The following TRIP4 variants were observed in gnomAD, a reference collection of about 807,000 sequenced individuals.
TRIP4 encodes the protein thyroid hormone receptor interactor 4.
A neutral mutation model predicts 81.8 loss-of-function variants in TRIP4; 54 were observed. That is an observed-to-expected ratio of 0.66 (90% CI 0.53 to 0.83). The LOEUF (loss-of-function observed/expected upper bound fraction) is 0.83, where lower values mean the gene tolerates loss of function less well. Among genes scored for constraint, TRIP4 ranks in the 40% least tolerant of loss-of-function variants. The pLI is 0.00. For synonymous variants in TRIP4, 270 were observed against 242.8 expected, an observed-to-expected ratio of 1.11 and a Z score of -1.04; for missense variants, 662 against 683.6, an observed-to-expected ratio of 0.97 and a Z score of 0.35.
At chr15:64,404,065 C>T (rs973362940) in intron 5 of TRIP4, among the ~76,000 whole-genome samples, 3 of 152,034 alleles carry the variant, frequency 2.0e-5, no homozygotes, top group Non-Finnish European at 4.4e-5. Context: ...GTGGCACATG[C>T]CTGTAATCCC....
intron 11 of TRIP4, among the ~76,000 whole-genome samples, chr15:64,436,894 A>T (rs1191817336): frequency 7.0e-6 from 1 of 143,418 alleles, no homozygotes; most frequent in African/African-American, 2.6e-5. Flanking sequence ...TTTTTAGTAG[A>T]GACGGGGTTG....
chr15:64,407,598 C>T (rs543490141), intron 6 of TRIP4, among the ~76,000 whole-genome samples: 64 of 151,946 alleles, frequency 4.2e-4, no homozygotes, highest in African/African-American at 1.5e-3. Flanking sequence ...ACCCAGGAGG[C>T]GGAGCTTGCA....
At chr15:64,406,536 A>G in intron 6 of TRIP4, 77 bp downstream of exon 6, 1 of 1,526,246 alleles carries the variant, frequency 6.6e-7, no homozygotes, top group African/African-American at 1.4e-5. Flanking sequence ...GGTACTTGAT[A>G]CCTTCTCAAA....
intron 10 of TRIP4, among the ~76,000 whole-genome samples, chr15:64,424,507 A>G (rs1401054540): frequency 6.6e-6 from 1 of 152,200 alleles, no homozygotes; most frequent in Non-Finnish European, 1.5e-5. Flanking sequence ...GAGTGGCCTA[A>G]ATAGACACCT....
intron 1 of TRIP4, among the ~76,000 whole-genome samples, chr15:64,391,208 G>A (rs1401539862): frequency 6.6e-6 from 1 of 151,594 alleles, no homozygotes; most frequent in East Asian, 2.0e-4. Flanking sequence ...CCAGGCTGGA[G>A]TGCAGTGGCA....
In TRIP4 at chr15:64,413,145, C is replaced by T. The variant is rs191545223; in HGVS notation, c.1044-940C>T. 6.8e-4 allele frequency among the ~76,000 whole-genome samples: 103 copies of T among 151,964 alleles called. 1 individual carries two copies. Among genetic ancestry groups the T allele is most frequent in the Admixed American group, 1.5e-3 (23 of 15,258 alleles). ...AGGAATAACTGTATAGGTTGTATTG[C>T]GAAGATGAGCTGCCATAGAATACTC... On this transcript the variant is annotated intron_variant, in intron 7 of 12. Transcript: ENST00000261884.
intron 3 of TRIP4, among the ~76,000 whole-genome samples, chr15:64,396,560 T>A (rs77293605): frequency 0.054 from 8,281 of 152,264 alleles, 313 homozygotes; most frequent in African/African-American, 0.11. Flanking sequence ...ATTACAGGCA[T>A]GAGCAACTGT....
chr15:64,418,043 C>G (rs766996916), intron 8 of TRIP4, among the ~76,000 whole-genome samples: 2 of 152,176 alleles, frequency 1.3e-5, no homozygotes, highest in African/African-American at 2.4e-5. Context: ...CCTGAGACTT[C>G]TACTGAATGT....
Position 64,395,388 on chromosome 15 carries a change from A to G in TRIP4, c.272-10A>G, listed in dbSNP as rs759820472. The G allele has an allele frequency of 6.3e-7, 1 of 1,584,606 alleles. No individual in the cohort carries two copies. The highest frequency in any genetic ancestry group is 8.5e-7 in the Non-Finnish European group (1 of 1,170,116). On this transcript the variant is annotated splice_polypyrimidine_tract_variant and intron_variant, in intron 2 of 12. Transcript: ENST00000261884. The stretch of plus-strand genomic sequence containing the variant: ...TGTGTGTGTGTATTTTTTTTTTTCT[A>G]TCTTTAAAGAAATTTTAGATGGGCA...
chr15:64,426,771 C>T (rs1892157351), intron 11 of TRIP4, among the ~76,000 whole-genome samples: 1 of 149,830 alleles, frequency 6.7e-6, no homozygotes, highest in Admixed American at 6.7e-5. Context: ...GAGGCCAAGG[C>T]GGGCAGATCA....
intron 7 of TRIP4, among the ~76,000 whole-genome samples, chr15:64,410,533 G>A (rs1303066242): frequency 3.3e-5 from 5 of 152,054 alleles, no homozygotes; most frequent in Admixed American, 3.3e-4. Flanking sequence ...ATAATTGCCT[G>A]TTTAGAAAAA....
intron 5 of TRIP4, among the ~76,000 whole-genome samples, chr15:64,403,256 A>G (rs1338219257): frequency 6.6e-6 from 1 of 152,098 alleles, no homozygotes; most frequent in Non-Finnish European, 1.5e-5. Context: ...TCCTGGGTTC[A>G]AGCGATTCTC....
chr15:64,388,947 G>T (rs952238963), intron 1 of TRIP4, among the ~76,000 whole-genome samples: 1 of 152,164 alleles, frequency 6.6e-6, no homozygotes, highest in East Asian at 1.9e-4. Flanking sequence ...GCTGTTACAC[G>T]CCAGGTGCTG....
chr15:64,406,923 A>G (rs1039652900), intron 6 of TRIP4, among the ~76,000 whole-genome samples: 15 of 152,216 alleles, frequency 9.9e-5, no homozygotes, highest in Admixed American at 1.3e-4. Flanking sequence ...TTTTGATTCA[A>G]TAATCGGTAT....
chr15:64,425,160 T>G (rs1339219842), intron 10 of TRIP4, among the ~76,000 whole-genome samples: 3 of 149,748 alleles, frequency 2.0e-5, no homozygotes, highest in South Asian at 2.1e-4. Context: ...CATTTTGATG[T>G]TTTTTTTTTC....
chr15:64,434,121 TG>T (rs1342080357), intron 11 of TRIP4, among the ~76,000 whole-genome samples: 1 of 151,808 alleles, frequency 6.6e-6, no homozygotes, highest in Non-Finnish European at 1.5e-5. Flanking sequence ...TAAAAAGGGC[TG>T]GGCACAGTGG....
In TRIP4 at chr15:64,409,581, G is replaced by T; in HGVS notation, c.828-32G>T. 1.9e-6 allele frequency: 3 copies of T among 1,593,888 alleles called. No homozygotes were observed. The South Asian group carries it at 3.3e-5, about 18-fold the overall frequency. ...AATCGGTCCTTATTTGTCAACAGAT[G>T]ACCTAATTACCATGTGTTCCCTTTT... On this transcript the variant is annotated intron_variant, in intron 6 of 12. Transcript: ENST00000261884.
chr15:64,433,609 A>G (rs1448110957), intron 11 of TRIP4, among the ~76,000 whole-genome samples: 1 of 152,202 alleles, frequency 6.6e-6, no homozygotes, highest in Non-Finnish European at 1.5e-5. Context: ...ATCTCAAAAA[A>G]TAAATAAAAA....
chr15:64,416,526 C>T (rs1891894053), intron 8 of TRIP4, among the ~76,000 whole-genome samples: 1 of 152,048 alleles, frequency 6.6e-6, no homozygotes, highest in African/African-American at 2.4e-5. Flanking sequence ...AGGTCAAGAC[C>T]AGCCTGGGCA....
Sources: allele counts gnomAD v4.1 joint callset (sites outside exome capture counted in the v4.1 genomes callset), GRCh38; gene constraint gnomAD v4.1.1; transcripts MANE v1.5; gene names NCBI Gene and HGNC (gene_info 2026-07-23, HGNC 2026-07-21).